YLPM1: variants seen among roughly 807,000 people sequenced by gnomAD.
The protein encoded by YLPM1 is YLP motif-containing protein 1.
YLPM1 carries 99 observed loss-of-function variants against 230.0 expected under a neutral mutation model. That is an observed-to-expected ratio of 0.43 (90% CI 0.37 to 0.51). YLPM1 has a LOEUF of 0.51. YLPM1 is among the 20% of genes least tolerant of loss of function. YLPM1 has a pLI of 0.00. For synonymous variants in YLPM1, 984 were observed against 942.5 expected (o/e 1.04, Z -0.81); for missense variants, 2,592 against 2,707.7 (o/e 0.96, Z 0.95).
intron 1 of YLPM1, among the ~76,000 whole-genome samples, chr14:74,772,257 T>C (rs1490415768): frequency 6.6e-6 from 1 of 151,608 alleles, no homozygotes. Context: ...GATCTTGCCA[T>C]GTTGCCCAGG....
chr14:74,772,533 A>T (rs1314756898), intron 1 of YLPM1, among the ~76,000 whole-genome samples: 1 of 151,608 alleles, frequency 6.6e-6, no homozygotes, highest in African/African-American at 2.4e-5. Flanking sequence ...TAAGTTTTGT[A>T]TTTTTAGTAG....
Position 74,809,479 on chromosome 14 carries a change from A to G in YLPM1, c.4621A>G (p.Arg1541Gly). 1 of 1,588,154 alleles carries G rather than the reference A, an allele frequency of 6.3e-7. No individual in the cohort carries two copies. Among genetic ancestry groups the G allele is most frequent in the Non-Finnish European group, 8.6e-7 (1 of 1,166,086 alleles). Residue 1541 changes from arginine (R) to glycine (G), a missense_variant, in exon 7 of 21, where the codon AGG becomes GGG. Transcript: ENST00000325680. Reference protein sequence around the residue: ...PPARSSVPVTRPPVPIPPPPP... With the variant: ...PPARSSVPVTGPPVPIPPPPP... Reference sequence around the variant, plus strand: ...AGCAAGATCATCTGTTCCTGTGACCAGGCCACCTGTCCCAATACCACCACC... The same window carrying G: ...AGCAAGATCATCTGTTCCTGTGACCGGGCCACCTGTCCCAATACCACCACC...
At chr14:74,790,097 A>G (rs944677056) in intron 4 of YLPM1, among the ~76,000 whole-genome samples, 2 of 152,174 alleles carry the variant, frequency 1.3e-5, no homozygotes, top group African/African-American at 4.8e-5. Context: ...CATAGAATCC[A>G]TTGACCATTT....
At position 74,816,191 on chromosome 14, in the gene YLPM1, A is replaced by G. The variant is rs764475839; in HGVS notation, c.5503-12A>G. On this transcript the variant is annotated splice_polypyrimidine_tract_variant and intron_variant, in intron 11 of 20. Transcript: ENST00000325680. ...AGTGATTTTTTTTTTTTTTTGGTCT[A>G]TTCTGTTTCAGATTGTTGTTATAAT... The G allele has an allele frequency of 7.8e-6, 12 of 1,537,986 alleles. No homozygotes were observed. Among genetic ancestry groups the G allele is most frequent in the African/African-American group, 3.0e-5 (2 of 67,254 alleles).
At chr14:74,803,117 G>C (rs1222106956) in intron 6 of YLPM1, among the ~76,000 whole-genome samples, 1 of 151,326 alleles carries the variant, frequency 6.6e-6, no homozygotes, top group East Asian at 1.9e-4. Flanking sequence ...AAAAAGTCCT[G>C]TTTTCCATCT....
intron 4 of YLPM1, among the ~76,000 whole-genome samples, chr14:74,793,420 A>T (rs1420911700): frequency 6.6e-6 from 1 of 151,976 alleles, no homozygotes; most frequent in African/African-American, 2.4e-5. Flanking sequence ...TGAGAATTGG[A>T]AATTTTTTTT....
intron 4 of YLPM1, among the ~76,000 whole-genome samples, chr14:74,795,673 T>TG (rs2091252979): frequency 2.6e-5 from 4 of 152,262 alleles, no homozygotes; most frequent in Admixed American, 2.6e-4. Context: ...ATTGTAAAGA[T>TG]GATCTTTAAA....
intron 1 of YLPM1, among the ~76,000 whole-genome samples, chr14:74,775,064 T>C (rs557430180): frequency 6.6e-6 from 1 of 152,300 alleles, no homozygotes; most frequent in East Asian, 1.9e-4. Flanking sequence ...CATCTGTAAT[T>C]ATATCCTGGG....
intron 11 of YLPM1, among the ~76,000 whole-genome samples, chr14:74,813,990 T>C (rs2091456492): frequency 6.6e-6 from 1 of 152,174 alleles, no homozygotes; most frequent in South Asian, 2.1e-4. Context: ...TCCAATGCAG[T>C]GTTGAATAGA....
At chr14:74,783,319 T>G (rs900609398) in intron 4 of YLPM1, among the ~76,000 whole-genome samples, 4 of 152,176 alleles carry the variant, frequency 2.6e-5, no homozygotes, top group African/African-American at 7.2e-5. Context: ...TCCTCCTGCC[T>G]TGGCCTCCCT....
At chr14:74,807,312 CA>C (rs1417997429) in intron 6 of YLPM1, among the ~76,000 whole-genome samples, 2 of 151,710 alleles carry the variant, frequency 1.3e-5, no homozygotes, top group Non-Finnish European at 2.9e-5. Flanking sequence ...AAACAAAAAA[CA>C]AAAAAATAAA....
intron 9 of YLPM1, among the ~76,000 whole-genome samples, chr14:74,810,656 T>C (rs2140126163): frequency 2.0e-5 from 3 of 152,256 alleles, no homozygotes; most frequent in Admixed American, 2.0e-4. Context: ...AATGGTATTG[T>C]CAATAAAGGT....
chr14:74,798,350 C>T lies in YLPM1; in HGVS notation c.3053C>T (p.Ser1018Leu). 6.2e-7 allele frequency: 1 copy of T among 1,613,964 alleles called. No homozygotes were observed. Among genetic ancestry groups the T allele is most frequent in the Non-Finnish European group, 8.5e-7 (1 of 1,179,890 alleles). Residue 1018 changes from serine to leucine, a missense_variant, in exon 5 of 21, where the codon TCA (serine) becomes TTA (leucine). Ser to Leu is a moderately radical substitution (Grantham distance 145). Around this residue, in one of 4 missense-constraint regions of YLPM1, gnomAD observed 1,862 missense variants for 1,819.8 expected, o/e 1.02. Coordinates refer to ENST00000325680, the MANE Select transcript of YLPM1 (RefSeq NM_019589.3). The stretch of plus-strand genomic sequence containing the variant: ...TTAGAAGGCAATAGAGGCAACAGCT[C>T]ATCTTACAGAGGTCCTGGGCAAAGC... ...NRLEGNRGNS[S>L]SYRGPGQSRM...
intron 4 of YLPM1, among the ~76,000 whole-genome samples, chr14:74,791,161 G>A (rs547249782): frequency 1.1e-4 from 17 of 152,198 alleles, no homozygotes; most frequent in African/African-American, 4.1e-4. Flanking sequence ...CCAGCTACTC[G>A]GGGGACTGAG....
At chr14:74,791,356 T>G (rs2091205090) in intron 4 of YLPM1, among the ~76,000 whole-genome samples, 1 of 152,244 alleles carries the variant, frequency 6.6e-6, no homozygotes, top group African/African-American at 2.4e-5. Context: ...TTCAACAATT[T>G]CTGGCCCCCA....
intron 19 of YLPM1, among the ~76,000 whole-genome samples, chr14:74,830,769 G>T (rs2091602806): frequency 6.6e-6 from 1 of 152,112 alleles, no homozygotes; most frequent in Non-Finnish European, 1.5e-5. Flanking sequence ...AGGGGAGGGG[G>T]TCCCAACTCC....
Position 74,764,292 on chromosome 14 carries a change from G to A in YLPM1, c.803G>A (p.Gly268Glu). The A allele has an allele frequency of 1.2e-6, 2 of 1,613,770 alleles. No homozygotes were observed. The highest frequency in any genetic ancestry group is 2.2e-5 in the East Asian group (1 of 44,870). ...TTVQQEPLES[G>E]AKNKSTEQQQ... ...GTCCAGCAAGAGCCTTTGGAGAGTG[G>A]GGCCAAAAACAAGAGTACTGAACAG... The change falls in exon 1 of 21, where the codon GGG (glycine) becomes GAG (glutamate). Residue 268 changes from glycine to glutamate, a missense_variant. Physicochemically the swap from Gly to Glu is moderately conservative, Grantham distance 98. Around this residue, in one of 4 missense-constraint regions of YLPM1, gnomAD observed 1,862 missense variants for 1,819.8 expected, o/e 1.02. Coordinates refer to ENST00000325680, the MANE Select transcript of YLPM1 (RefSeq NM_019589.3).
intron 1 of YLPM1, among the ~76,000 whole-genome samples, chr14:74,770,294 C>G (rs1167300563): frequency 6.6e-6 from 1 of 150,426 alleles, no homozygotes; most frequent in Non-Finnish European, 1.5e-5. Flanking sequence ...TGCCACTGCA[C>G]TCTAGCCTGG....
intron 1 of YLPM1, among the ~76,000 whole-genome samples, chr14:74,767,478 A>G (rs917584854): frequency 2.0e-5 from 3 of 152,188 alleles, no homozygotes; most frequent in East Asian, 1.9e-4. Flanking sequence ...CTTCGGCACT[A>G]TGGACATTTT....
Sources: allele counts gnomAD v4.1 joint callset (sites outside exome capture counted in the v4.1 genomes callset), GRCh38; gene constraint gnomAD v4.1.1; regional missense constraint gnomAD v4.1.1; transcripts MANE v1.5; gene names NCBI Gene and HGNC (gene_info 2026-07-23, HGNC 2026-07-21).